The following C17orf67 variants were observed in gnomAD, a reference collection of about 807,000 sequenced individuals.
The protein encoded by C17orf67 is chromosome 17 open reading frame 67.
C17orf67 carries 12 observed loss-of-function variants against 11.2 expected under a neutral mutation model. That is an observed-to-expected ratio of 1.07 (90% CI 0.68 to 1.73). The LOEUF (loss-of-function observed/expected upper bound fraction) is 1.73, where lower values mean the gene tolerates loss of function less well. Among genes scored for constraint, C17orf67 ranks in the 40% most tolerant of loss-of-function variants. The probability of loss-of-function intolerance (pLI) is 0.00; values close to 1 mark genes in which losing one functional copy is unlikely to be tolerated. For synonymous variants in C17orf67, 59 were observed against 46.9 expected, an observed-to-expected ratio of 1.26 and a Z score of -1.05; for missense variants, 115 against 113.5, an observed-to-expected ratio of 1.01 and a Z score of -0.06.
intron 6 of C17orf67, among the ~76,000 whole-genome samples, chr17:56,800,055 C>T (rs1368359132): frequency 1.0e-4 from 14 of 139,632 alleles, no homozygotes; most frequent in Non-Finnish European, 1.2e-4. Context: ...CTGTTGCAAA[C>T]TAATTTTTTT....
At chr17:56,824,965 A>G (rs1195773820) in intron 3 of C17orf67, 112 bp from the exon 4 acceptor site, 2 of 152,320 alleles carry the variant, frequency 1.3e-5, no homozygotes, top group African/African-American at 4.8e-5. Flanking sequence ...CAAATCTTCA[A>G]TATGTTAACC....
chr17:56,816,009 T>C lies in C17orf67; in HGVS notation c.-199A>G, dbSNP rs564410108. The C allele has an allele frequency of 2.9e-4, 332 of 1,131,432 alleles. No homozygotes were observed. Among genetic ancestry groups the C allele is most frequent in the Non-Finnish European group, 3.6e-4 (298 of 831,520 alleles). 70.1% of individuals were successfully genotyped at this position (1,131,432 alleles called of 1,614,324 possible). ...TCCTCCGAATTCCTGTAAATTTTCA[T>C]CCTGAGGAAGGAAATTGTTCCTCTG... On this transcript the variant is annotated splice_region_variant and 5_prime_UTR_variant, in exon 5 of 8. An upstream start codon of the reference 5' UTR is lost. Transcript: ENST00000397861.
intron 2 of C17orf67, among the ~76,000 whole-genome samples, chr17:56,830,175 C>A (rs969964044): frequency 2.6e-5 from 4 of 151,358 alleles, no homozygotes; most frequent in Admixed American, 2.6e-4. Context: ...AATCCCGTCT[C>A]CACTAAAAAC....
chr17:56,814,991 C>T (rs961102950), intron 5 of C17orf67, 22 bp from the exon 6 acceptor site: 1 of 1,589,650 alleles, frequency 6.3e-7, no homozygotes, highest in African/African-American at 1.3e-5. Flanking sequence ...GGGAAGGTGC[C>T]TTAAGGACAC....
rs1045646705 is a variant in C17orf67, at chr17:56,833,822, C to T, written c.-1206G>A. 1 of 151,884 alleles carries T rather than the reference C, an allele frequency of 6.6e-6. No homozygotes were observed. The highest frequency in any genetic ancestry group is 2.4e-5 in the African/African-American group (1 of 41,294). The allele number at this position is 151,884 out of a possible 1,614,324, so 9.4% of individuals were successfully genotyped here. On this transcript the variant is annotated 5_prime_UTR_variant, in exon 1 of 8. Coordinates refer to ENST00000397861, the MANE Select transcript of C17orf67 (RefSeq NM_001085430.4). Reference sequence around the variant, plus strand: ...GCGGCGCGGTGCTGCGAGGAGGATCCTCGTGGCCTTGCCCCGCCGGCGGCT... The same window carrying T: ...GCGGCGCGGTGCTGCGAGGAGGATCTTCGTGGCCTTGCCCCGCCGGCGGCT...
chr17:56,796,341 T>C (rs1388515172), intron 6 of C17orf67, among the ~76,000 whole-genome samples: 2 of 152,230 alleles, frequency 1.3e-5, no homozygotes, highest in Non-Finnish European at 2.9e-5. Flanking sequence ...TACTTCCATA[T>C]AATGGAATAT....
chr17:56,822,889 G>A (rs747414565), intron 4 of C17orf67, among the ~76,000 whole-genome samples: 13 of 152,162 alleles, frequency 8.5e-5, no homozygotes, highest in Non-Finnish European at 1.9e-4. Context: ...TTGGACAGGG[G>A]CCTTTCCGGC....
intron 6 of C17orf67, among the ~76,000 whole-genome samples, chr17:56,808,423 G>T (rs776986550): frequency 6.6e-6 from 1 of 151,970 alleles, no homozygotes; most frequent in African/African-American, 2.4e-5. Context: ...CTCTTCATAC[G>T]CTACCTCCAT....
At chr17:56,793,929 T>C (rs1905162250) in intron 7 of C17orf67, among the ~76,000 whole-genome samples, 1 of 152,186 alleles carries the variant, frequency 6.6e-6, no homozygotes, top group Non-Finnish European at 1.5e-5. Context: ...GCAGAACTTC[T>C]ATTCCACTGC....
chr17:56,797,011 C>T (rs186428329), intron 6 of C17orf67, among the ~76,000 whole-genome samples: 203 of 152,252 alleles, frequency 1.3e-3, no homozygotes, highest in Non-Finnish European at 2.2e-3. Flanking sequence ...CAGATGAGTG[C>T]AGCTTTGGGT....
rs1255673775 is a variant in C17orf67 at position 56,833,164 on chromosome 17, G to GGTGCCT, written c.-829_-824dup. The GGTGCCT allele has an allele frequency of 6.6e-6, 1 of 152,662 alleles. No individual in the cohort carries two copies. Among genetic ancestry groups the GGTGCCT allele is most frequent in the Non-Finnish European group, 1.5e-5 (1 of 68,330 alleles). The allele number at this position is 152,662 out of a possible 1,614,324, so 9.5% of individuals were successfully genotyped here. ...TGAGTGCAGCTGTGCGCGCCGGGGC[G>GGTGCCT]GTGCCTGTGCCTCTCTGGATTCCGT... On this transcript the variant is annotated 5_prime_UTR_variant, in exon 2 of 8. Coordinates refer to ENST00000397861, the MANE Select transcript of C17orf67 (RefSeq NM_001085430.4).
At chr17:56,804,492 T>G (rs1009802797) in intron 6 of C17orf67, among the ~76,000 whole-genome samples, 3 of 152,238 alleles carry the variant, frequency 2.0e-5, no homozygotes, top group African/African-American at 7.2e-5. Flanking sequence ...AGAACAGTGC[T>G]GTGGGCAATT....
At chr17:56,794,746 T>A (rs891322123) in intron 7 of C17orf67, among the ~76,000 whole-genome samples, 5 of 152,172 alleles carry the variant, frequency 3.3e-5, no homozygotes, top group African/African-American at 1.2e-4. Flanking sequence ...AACACACTTC[T>A]CCACATTTGG....
intron 5 of C17orf67, 95 bp downstream of exon 5, chr17:56,815,661 C>T (rs1905741769): frequency 1.2e-5 from 12 of 1,039,904 alleles, no homozygotes; most frequent in South Asian, 2.9e-5. Flanking sequence ...TCTATATACA[C>T]TATATATTAT....
intron 4 of C17orf67, among the ~76,000 whole-genome samples, chr17:56,823,325 T>A (rs1042825235): frequency 2.6e-5 from 4 of 152,102 alleles, no homozygotes; most frequent in Non-Finnish European, 5.9e-5. Flanking sequence ...TCTCAGGCCA[T>A]TAGGTGCATT....
chr17:56,816,554 T>A (rs565251686), intron 4 of C17orf67, among the ~76,000 whole-genome samples: 1 of 152,308 alleles, frequency 6.6e-6, no homozygotes, highest in African/African-American at 2.4e-5. Context: ...TTCAAAGATG[T>A]GAAATCAAGT....
chr17:56,826,334 T>C (rs764684948), intron 2 of C17orf67, among the ~76,000 whole-genome samples: 10 of 152,188 alleles, frequency 6.6e-5, no homozygotes, highest in Non-Finnish European at 1.2e-4. Context: ...CTAGGATTCA[T>C]AAAAGACAAT....
At chr17:56,812,004 C>A (rs558011639) in intron 6 of C17orf67, among the ~76,000 whole-genome samples, 3 of 152,218 alleles carry the variant, frequency 2.0e-5, no homozygotes, top group Non-Finnish European at 4.4e-5. Context: ...CCCAGGCCAC[C>A]CCTCTGGGAG....
chr17:56,833,063 G>A lies in C17orf67; in HGVS notation c.-722C>T, dbSNP rs1370024120. 6.6e-6 allele frequency: 1 copy of A among 152,170 alleles called. No homozygotes were observed. Among genetic ancestry groups the A allele is most frequent in the Non-Finnish European group, 1.5e-5 (1 of 68,052 alleles). 9.4% of individuals were successfully genotyped at this position (152,170 alleles called of 1,614,324 possible). On this transcript the variant is annotated 5_prime_UTR_variant, in exon 2 of 8. Transcript: ENST00000397861. ...TGTGTGTTTTCTTTCCATCTTTTAT[G>A]CTAGAGGAAGTCCGCAAGCAACAAG...
Sources: gnomAD v4.1 joint callset for allele counts (sites outside exome capture counted in the v4.1 genomes callset) on GRCh38, gnomAD v4.1.1 for gene constraint, MANE v1.5 for transcripts, NCBI Gene and HGNC (gene_info 2026-07-23, HGNC 2026-07-21) for gene names.